ROBO2: variants seen among roughly 807,000 people sequenced by gnomAD.
ROBO2 encodes roundabout guidance receptor 2.
Under a neutral mutation model 160.8 loss-of-function variants are expected in ROBO2, and 53 were observed. The ratio of observed to expected loss-of-function variants is 0.33; its 90% CI spans 0.26 to 0.41. The LOEUF is 0.41. Ranked by LOEUF, ROBO2 falls within the 10% of genes least tolerant of loss-of-function variation. ROBO2 has a pLI of 1.00. For synonymous variants in ROBO2, 664 were observed against 611.7 expected, an observed-to-expected ratio of 1.09 and a Z score of -1.26; for missense variants, 1,577 against 1,722.4, an observed-to-expected ratio of 0.92 and a Z score of 1.49.
intron 2 of ROBO2, among the ~76,000 whole-genome samples, chr3:76,938,767 A>T (rs1254767481): frequency 6.6e-6 from 1 of 151,948 alleles, no homozygotes; most frequent in Non-Finnish European, 1.5e-5. Context: ...GTCGGGAGAT[A>T]AAGATCAGCC....
intron 22 of ROBO2, among the ~76,000 whole-genome samples, chr3:77,621,850 G>A (rs1411406274): frequency 6.6e-6 from 1 of 152,150 alleles, no homozygotes; most frequent in African/African-American, 2.4e-5. Context: ...AGACTGAGTA[G>A]AATTTTGACA....
chr3:77,425,851 CA>C, intron 2 of ROBO2, among the ~76,000 whole-genome samples: 1 of 151,884 alleles, frequency 6.6e-6, no homozygotes, highest in Admixed American at 6.6e-5. Flanking sequence ...TTAGTAGAGA[CA>C]GGGTTTCACC....
rs146543692 is a variant in ROBO2 at position 76,613,230 on chromosome 3, G to A, written c.110-484784G>A. On this transcript the variant is annotated intron_variant, in intron 2 of 26. Transcript: ENST00000487694. ...CCTTTCAGTGAAGATGATTTTCTCTGTTGGTATGTTTTATTCTCTTGCTTT... is the reference window on the plus strand; with the variant it reads ...CCTTTCAGTGAAGATGATTTTCTCTATTGGTATGTTTTATTCTCTTGCTTT... Among the ~76,000 whole-genome samples the A allele has an allele frequency of 3.0e-4, 45 of 152,096 alleles. No homozygotes were observed. The East Asian group carries it at 7.9e-3, about 27-fold the overall frequency.
intron 2 of ROBO2, among the ~76,000 whole-genome samples, chr3:76,186,058 C>G (rs1225311944): frequency 6.6e-6 from 1 of 151,604 alleles, no homozygotes; most frequent in Non-Finnish European, 1.5e-5. Flanking sequence ...ATCGGCCTCC[C>G]AAGTAGATGG....
rs190868432 is a variant in ROBO2, at chr3:77,238,154, T to C, written c.388+139814T>C. 2.0e-5 allele frequency among the ~76,000 whole-genome samples: 3 copies of C among 152,334 alleles called. No individual in the cohort carries two copies. The East Asian group carries it at 5.8e-4, about 29-fold the overall frequency. On this transcript the variant is annotated intron_variant, in intron 2 of 25. Transcript: ENST00000461745. Reference sequence around the variant, plus strand: ...ACAGTCCTTTATCTAGTAGATCTTTTACAAATATTTTCTCTCAGCCCGTGT... The same window carrying C: ...ACAGTCCTTTATCTAGTAGATCTTTCACAAATATTTTCTCTCAGCCCGTGT...
intron 2 of ROBO2, among the ~76,000 whole-genome samples, chr3:76,824,834 T>A (rs1211106327): frequency 6.6e-6 from 1 of 152,100 alleles, no homozygotes; most frequent in African/African-American, 2.4e-5. Context: ...CTGTGCCCCA[T>A]CACTGAGATT....
At chr3:77,592,109 G>A (rs533014326) in intron 17 of ROBO2, among the ~76,000 whole-genome samples, 1 of 151,998 alleles carries the variant, frequency 6.6e-6, no homozygotes, top group African/African-American at 2.4e-5. Context: ...TTTTTCCCTT[G>A]CTTTAAAAAC....
intron 2 of ROBO2, among the ~76,000 whole-genome samples, chr3:75,961,445 C>T (rs534172456): frequency 3.3e-5 from 5 of 151,612 alleles, no homozygotes; most frequent in East Asian, 3.9e-4. Flanking sequence ...TAATTGAGTC[C>T]GGTTTCTTCT....
At chr3:76,222,354 GGAAA>G (rs1481001467) in intron 2 of ROBO2, among the ~76,000 whole-genome samples, 1 of 152,070 alleles carries the variant, frequency 6.6e-6, no homozygotes, top group African/African-American at 2.4e-5. Context: ...ATGAAAGGAA[GGAAA>G]GAAAGTATAC....
chr3:77,348,375 A>G (rs980522291), intron 2 of ROBO2, among the ~76,000 whole-genome samples: 7 of 152,058 alleles, frequency 4.6e-5, no homozygotes, highest in African/African-American at 1.7e-4. Flanking sequence ...GTAAACTTTC[A>G]TGGCGCTGGT....
chr3:75,921,746 TA>T (rs1023856991), intron 1 of ROBO2, among the ~76,000 whole-genome samples: 5 of 152,168 alleles, frequency 3.3e-5, no homozygotes, highest in Non-Finnish European at 7.4e-5. Context: ...CTACAGCAGA[TA>T]ATTAGGTATC....
At chr3:77,054,923 C>CGT (rs1426385625) in intron 1 of ROBO2, among the ~76,000 whole-genome samples, 25 of 58,802 alleles carry the variant, frequency 4.3e-4, no homozygotes, top group African/African-American at 1.2e-3. Context: ...CAAAATCTCG[C>CGT]GTGTATGTGT....
At chr3:77,035,147 C>G (rs2149576865), upstream of ROBO2, among the ~76,000 whole-genome samples, 1 of 151,966 alleles carries the variant, frequency 6.6e-6, no homozygotes, top group East Asian at 1.9e-4. Flanking sequence ...GAGAGGTTAT[C>G]ATCTTTGCTG....
At chr3:76,067,795 A>G (rs2068306889) in intron 2 of ROBO2, among the ~76,000 whole-genome samples, 1 of 151,822 alleles carries the variant, frequency 6.6e-6, no homozygotes. Context: ...ATGTTGCTTT[A>G]GGATTTTTAT....
At chr3:77,346,412 T>C (rs2067645107) in intron 2 of ROBO2, among the ~76,000 whole-genome samples, 1 of 152,164 alleles carries the variant, frequency 6.6e-6, no homozygotes, top group South Asian at 2.1e-4. Flanking sequence ...CTCATTCTAC[T>C]CTTACAACTA....
rs1282520672 is a variant in ROBO2 at position 76,187,924 on chromosome 3, TTAG to T, written c.109+250325_109+250327del. Among the ~76,000 whole-genome samples, 5 of 152,088 alleles carry T rather than the reference TTAG, an allele frequency of 3.3e-5. No individual in the cohort carries two copies. The East Asian group carries it at 9.7e-4, about 29-fold the overall frequency. On this transcript the variant is annotated intron_variant, in intron 2 of 26. Coordinates refer to the ROBO2 transcript ENST00000487694. ...TGCACTCATGGTAACACTCAAGCTC[TTAG>T]TAAGATTTAAAAGCCCCGAATAATA...
At chr3:76,308,462 T>A (rs1480356026) in intron 2 of ROBO2, among the ~76,000 whole-genome samples, 2 of 151,578 alleles carry the variant, frequency 1.3e-5, no homozygotes, top group Non-Finnish European at 2.9e-5. Context: ...AAGGATTAAA[T>A]GAGTTGATGA....
At chr3:77,084,847 T>C (rs2069102204) in intron 1 of ROBO2, among the ~76,000 whole-genome samples, 1 of 152,156 alleles carries the variant, frequency 6.6e-6, no homozygotes, top group Non-Finnish European at 1.5e-5. Flanking sequence ...TCACATTTGC[T>C]GCTCTTCTCC....
chr3:76,364,551 A>T (rs964102654), intron 2 of ROBO2, among the ~76,000 whole-genome samples: 1 of 151,938 alleles, frequency 6.6e-6, no homozygotes, highest in African/African-American at 2.4e-5. Context: ...CACATTTTTG[A>T]CTTAACTTGG....
Sources: gnomAD v4.1 joint callset for allele counts (sites outside exome capture counted in the v4.1 genomes callset) on GRCh38, gnomAD v4.1.1 for gene constraint, MANE v1.5 for transcripts, NCBI Gene and HGNC (gene_info 2026-07-23, HGNC 2026-07-21) for gene names.